Variants in OR5AN1 observed in about 807,000 individuals in gnomAD.
OR5AN1 encodes olfactory receptor family 5 subfamily AN member 1, also known as olfactory receptor 5AN1.
For missense variants in OR5AN1, 476 were observed against 368.9 expected (o/e 1.29, Z -2.38); for synonymous variants, 167 against 131.8 (o/e 1.27, Z -1.83).
Position 59,364,986 on chromosome 11 carries a change from A to G in OR5AN1, c.528A>G (p.Arg176=). The part of the protein sequence containing the change: ...QLHFCGSNVI[R]HFFCDMPQLL... ...ACTTCTGTGGGTCTAATGTCATCAG[A>G]CATTTCTTCTGTGACATGCCCCAAC... The change falls in exon 2 of 2, where the codon AGA becomes AGG. Residue 176 remains arginine (R), a synonymous_variant. Transcript: ENST00000641998. 5 of 1,614,126 alleles carry G rather than the reference A, an allele frequency of 3.1e-6. No homozygotes were observed.
At chr11:59,360,420 TC>T (rs1309590990) in intron 1 of OR5AN1, among the ~76,000 whole-genome samples, 1 of 152,196 alleles carries the variant, frequency 6.6e-6, no homozygotes, top group African/African-American at 2.4e-5. Context: ...AATCTTTTTT[TC>T]ATTTTTATTT....
At chr11:59,364,390 T>C (rs1857498253) in intron 1 of OR5AN1, 56 bp from the exon 2 acceptor site, 4 of 1,036,174 alleles carry the variant, frequency 3.9e-6, no homozygotes, top group African/African-American at 1.6e-5. Context: ...AAGACGGTAA[T>C]GTTATCACTT....
At chr11:59,362,035 G>GA (rs1468678265) in intron 1 of OR5AN1, among the ~76,000 whole-genome samples, 1 of 151,892 alleles carries the variant, frequency 6.6e-6, no homozygotes, top group Non-Finnish European at 1.5e-5. Flanking sequence ...GAGAGCGGGG[G>GA]ATTGGAGAGA....
chr11:59,369,569 A>G lies in OR5AN1; in HGVS notation c.*4175A>G, dbSNP rs1857570954. On this transcript the variant is annotated 3_prime_UTR_variant, in exon 2 of 2. Transcript: ENST00000641998. Reference sequence around the variant, plus strand: ...GAAATAAGACAGTCAGACACAAATAAAGAAAAAAAAAGAAATAAACAAAGC... The same window carrying G: ...GAAATAAGACAGTCAGACACAAATAGAGAAAAAAAAAGAAATAAACAAAGC... 1.3e-5 allele frequency: 2 copies of G among 152,212 alleles called. No homozygotes were observed. Among genetic ancestry groups the G allele is most frequent in the South Asian group, 4.1e-4 (2 of 4,826 alleles). The allele number at this position is 152,212 out of a possible 1,614,324, so 9.4% of individuals were successfully genotyped here.
Position 59,365,162 on chromosome 11 carries a change from G to A in OR5AN1, c.704G>A (p.Arg235Lys), listed in dbSNP as rs1227807054. The A allele has an allele frequency of 6.2e-7, 1 of 1,613,876 alleles. No homozygotes were observed. Among genetic ancestry groups the A allele is most frequent in the African/African-American group, 1.3e-5 (1 of 74,920 alleles). ...SIMKITSAKG[R>K]SKAFNTCASH... ...ATGAAGATCACTTCAGCTAAAGGCAGGTCCAAGGCATTCAACACCTGTGCT... is the reference window on the plus strand; with the variant it reads ...ATGAAGATCACTTCAGCTAAAGGCAAGTCCAAGGCATTCAACACCTGTGCT... The change falls in exon 2 of 2, where the codon AGG (arginine) becomes AAG (lysine). Residue 235 changes from arginine (R) to lysine (K), a missense_variant. Arg to Lys is a conservative substitution (Grantham distance 26). Coordinates refer to ENST00000641998, the MANE Select transcript of OR5AN1 (RefSeq NM_001004729.2).
chr11:59,363,905 G>T (rs1312007514), intron 1 of OR5AN1, among the ~76,000 whole-genome samples: 3 of 152,128 alleles, frequency 2.0e-5, no homozygotes, highest in Non-Finnish European at 4.4e-5. Context: ...TGGGATTACA[G>T]GTCTGTGCAA....
At position 59,371,070 on chromosome 11, in the gene OR5AN1, C is replaced by T. The variant is rs1478175388; in HGVS notation, c.*5676C>T. ...ATATTTGTGTGTATGTGGAGTATTC[C>T]TTTTTCTTTTAAACAAAGGTAAGAC... On this transcript the variant is annotated 3_prime_UTR_variant, in exon 2 of 2. Coordinates refer to ENST00000641998, the MANE Select transcript of OR5AN1 (RefSeq NM_001004729.2). 1 of 149,950 alleles carries T rather than the reference C, an allele frequency of 6.7e-6. No individual in the cohort carries two copies. Among genetic ancestry groups the T allele is most frequent in the Non-Finnish European group, 1.5e-5 (1 of 67,656 alleles). The allele number at this position is 149,950 out of a possible 1,614,324, so 9.3% of individuals were successfully genotyped here.
rs1417002572 is a variant in OR5AN1 at position 59,359,276 on chromosome 11, T to C, written c.-14+4T>C. The C allele has an allele frequency of 6.6e-6, 1 of 152,204 alleles. No homozygotes were observed. Among genetic ancestry groups the C allele is most frequent in the Non-Finnish European group, 1.5e-5 (1 of 68,030 alleles). 9.4% of individuals were successfully genotyped at this position (152,204 alleles called of 1,614,324 possible). On this transcript the variant is annotated splice_donor_region_variant and intron_variant, in intron 1 of 1. Coordinates refer to ENST00000641998, the MANE Select transcript of OR5AN1 (RefSeq NM_001004729.2). Reference sequence around the variant, plus strand: ...AACCTCAAACATAAAATTTCAGGTATTATTCTGGAGTGAGGGATGGGTATT... The same window carrying C: ...AACCTCAAACATAAAATTTCAGGTACTATTCTGGAGTGAGGGATGGGTATT...
intron 1 of OR5AN1, among the ~76,000 whole-genome samples, chr11:59,361,970 G>C (rs558241106): frequency 6.6e-6 from 1 of 151,214 alleles, no homozygotes; most frequent in Non-Finnish European, 1.5e-5. Context: ...GGTTTGTAAG[G>C]AGTGTGTGTG....
intron 1 of OR5AN1, among the ~76,000 whole-genome samples, chr11:59,361,740 G>C (rs1857465090): frequency 1.3e-5 from 2 of 152,176 alleles, no homozygotes; most frequent in African/African-American, 4.8e-5. Context: ...ATTCAGGAAA[G>C]TCTACTCTCT....
At position 59,365,159 on chromosome 11, in the gene OR5AN1, G is replaced by A; in HGVS notation, c.701G>A (p.Gly234Asp). 6.2e-7 allele frequency: 1 copy of A among 1,614,016 alleles called. No homozygotes were observed. The highest frequency in any genetic ancestry group is 8.5e-7 in the Non-Finnish European group (1 of 1,179,962). ...ATCATGAAGATCACTTCAGCTAAAG[G>A]CAGGTCCAAGGCATTCAACACCTGT... ...ISIMKITSAK[G>D]RSKAFNTCAS... Residue 234 changes from glycine to aspartate, a missense_variant, in exon 2 of 2, where the codon GGC becomes GAC. By Grantham distance (94) the Gly-to-Asp change is moderately conservative. Transcript: ENST00000641998.
intron 1 of OR5AN1, among the ~76,000 whole-genome samples, chr11:59,361,726 T>C (rs1857464954): frequency 6.6e-6 from 1 of 152,318 alleles, no homozygotes; most frequent in South Asian, 2.1e-4. Context: ...AGCCTGCAAG[T>C]AAGATTCAGG....
rs1361847438 is a variant in OR5AN1 at position 59,367,063 on chromosome 11, A to G, written c.*1669A>G. 1.3e-5 allele frequency: 2 copies of G among 152,250 alleles called. No individual in the cohort carries two copies. The highest frequency in any genetic ancestry group is 2.9e-5 in the Non-Finnish European group (2 of 68,052). 9.4% of individuals were successfully genotyped at this position (152,250 alleles called of 1,614,324 possible). ...GTAGCCAAAGCTAAAATCAGAAGTA[A>G]CAATCTTTTGAAAAGAAATACAATA... On this transcript the variant is annotated 3_prime_UTR_variant, in exon 2 of 2. Transcript: ENST00000641998.
In OR5AN1 at chr11:59,364,884, T is replaced by G; in HGVS notation, c.426T>G (p.Cys142Trp). ...CATCCATCATGTCACCCACCCTCTG[T>G]GTTTGGATGGTACTGGGAGCCTACA... ...LYSSIMSPTL[C>W]VWMVLGAYMT... is the part of the protein sequence containing the mutation. The change falls in exon 2 of 2, where the codon TGT becomes TGG. Residue 142 changes from cysteine (C) to tryptophan (W), a missense_variant. Cys to Trp is a radical substitution (Grantham distance 215, BLOSUM62 -2). Transcript: ENST00000641998. 1.2e-6 allele frequency: 2 copies of G among 1,614,082 alleles called. No homozygotes were observed. The highest frequency in any genetic ancestry group is 1.7e-6 in the Non-Finnish European group (2 of 1,179,986).
At chr11:59,362,788 G>C (rs1015862844) in intron 1 of OR5AN1, among the ~76,000 whole-genome samples, 1 of 152,186 alleles carries the variant, frequency 6.6e-6, no homozygotes, top group Non-Finnish European at 1.5e-5. Flanking sequence ...CTGTTGGTAA[G>C]CTCTGACTTG....
rs1382992805 is a variant in OR5AN1 at position 59,364,665 on chromosome 11, C to T, written c.207C>T (p.Phe69=). ...ATTTCTTCCTCAGTAACCTGTCCTT[C>T]ATAGATGTCTGCTATATCAGCTCCA... ...PMYFFLSNLS[F]IDVCYISSTV... is the part of the protein sequence containing the mutation. Residue 69 remains phenylalanine, a synonymous_variant, in exon 2 of 2, where the codon TTC becomes TTT. Transcript: ENST00000641998. The T allele has an allele frequency of 6.2e-7, 1 of 1,613,920 alleles. No individual in the cohort carries two copies. Among genetic ancestry groups the T allele is most frequent in the East Asian group, 2.2e-5 (1 of 44,878 alleles).
chr11:59,364,962 C>CT lies in OR5AN1; in HGVS notation c.506dup (p.Cys170LeufsTer4). 4 of 1,614,184 alleles carry CT rather than the reference C, an allele frequency of 2.5e-6. No individual in the cohort carries two copies. Among genetic ancestry groups the CT allele is most frequent in the African/African-American group, 1.3e-5 (1 of 75,066 alleles). ...AAATTGGTGCTTTGCTTCAACTCCA[C>CT]TTCTGTGGGTCTAATGTCATCAGAC... On this transcript the variant is annotated frameshift_variant, in exon 2 of 2. Transcript: ENST00000641998. LOFTEE classifies it low-confidence loss of function (END_TRUNC).
In OR5AN1 at chr11:59,364,764, C is replaced by T. The variant is rs1044540370; in HGVS notation, c.306C>T (p.Tyr102=). 5.0e-6 allele frequency: 8 copies of T among 1,613,966 alleles called. No homozygotes were observed. Among genetic ancestry groups the T allele is most frequent in the Non-Finnish European group, 6.8e-6 (8 of 1,179,988 alleles). Residue 102 remains tyrosine (Y), a synonymous_variant, in exon 2 of 2, where the codon TAC becomes TAT. Transcript: ENST00000641998. The part of the protein sequence containing the change: ...TITFVGCIIQ[Y]FIFSTMGLSE... ...CTTTTGTTGGTTGTATTATTCAGTA[C>T]TTTATCTTTTCAACGATGGGACTGA...
rs945205572 is a variant in OR5AN1, at chr11:59,365,396, T to A, written c.*2T>A. On this transcript the variant is annotated 3_prime_UTR_variant, in exon 2 of 2. Transcript: ENST00000641998. ...TTGCAAAAGAGAAAGTGCTGCTGAG[T>A]TTACAGATTCTGAGATTTCTGCCAG... 1 of 1,561,770 alleles carries A rather than the reference T, an allele frequency of 6.4e-7. No individual in the cohort carries two copies. The highest frequency in any genetic ancestry group is 1.7e-4 in the Middle Eastern group (1 of 5,844).
Sources: allele counts gnomAD v4.1 joint callset (sites outside exome capture counted in the v4.1 genomes callset), GRCh38; gene constraint gnomAD v4.1.1; transcripts MANE v1.5; gene names NCBI Gene and HGNC (gene_info 2026-07-23, HGNC 2026-07-21).